The following RTP1 variants were observed in gnomAD, a reference collection of about 807,000 sequenced individuals.
RTP1 encodes receptor-transporting protein 1.
Under a neutral mutation model 27.1 loss-of-function variants are expected in RTP1, and 24 were observed. The observed-to-expected ratio is 0.89, with a 90% confidence interval of 0.64 to 1.25. The LOEUF is 1.25. Ranked by LOEUF, RTP1 falls within the 50% of genes most tolerant of loss-of-function variation. RTP1 has a pLI of 0.00. For synonymous variants in RTP1, 148 were observed against 148.1 expected, an observed-to-expected ratio of 1.00 and a Z score of 0.00; for missense variants, 338 against 351.6, an observed-to-expected ratio of 0.96 and a Z score of 0.31.
Position 187,200,153 on chromosome 3 carries a change from T to A in RTP1, c.*83T>A, listed in dbSNP as rs1271955468. 2 of 1,266,668 alleles carry A rather than the reference T, an allele frequency of 1.6e-6. No individual in the cohort carries two copies. Among genetic ancestry groups the A allele is most frequent in the South Asian group, 2.1e-5 (1 of 47,966 alleles). 78.5% of individuals were successfully genotyped at this position (1,266,668 alleles called of 1,614,324 possible). ...GAGGAGAGACGTGGGTTGAGAATAGTGTAAACTTCTAGCGCTGGTGATGTC... is the reference window on the plus strand; with the variant it reads ...GAGGAGAGACGTGGGTTGAGAATAGAGTAAACTTCTAGCGCTGGTGATGTC... On this transcript the variant is annotated 3_prime_UTR_variant, in exon 2 of 2. Coordinates refer to ENST00000312295, the MANE Select transcript of RTP1 (RefSeq NM_153708.3).
At position 187,199,886 on chromosome 3, in the gene RTP1, C is replaced by T. The variant is rs759875115; in HGVS notation, c.608C>T (p.Pro203Leu). The T allele has an allele frequency of 6.3e-7, 1 of 1,593,334 alleles. No individual in the cohort carries two copies. The highest frequency in any genetic ancestry group is 8.6e-7 in the Non-Finnish European group (1 of 1,165,382). The change falls in exon 2 of 2, where the codon CCC becomes CTC. Residue 203 changes from proline to leucine, a missense_variant. Around this residue, in one of 3 missense-constraint regions of RTP1, gnomAD observed 252 missense variants for 231.5 expected, o/e 1.09. Transcript: ENST00000312295. ...CAGGAGGGCATCGTGCACTGGAAGC[C>T]CAGCGAGAAGCTGCTGGAGGAGGAG... ...ACQEGIVHWKPSEKLLEEEAT... is the reference protein window; with the variant it reads ...ACQEGIVHWKLSEKLLEEEAT...
chr3:187,199,594 G>C lies in RTP1; in HGVS notation c.316G>C (p.Val106Leu), dbSNP rs61732291. The C allele has an allele frequency of 1.5e-4, 245 of 1,605,090 alleles. 2 individuals carry two copies. The highest frequency in any genetic ancestry group is 9.9e-4 in the Middle Eastern group (6 of 6,062). The change falls in exon 2 of 2, where the codon GTG becomes CTG. Residue 106 changes from valine to leucine, a missense_variant. Around this residue, in one of 3 missense-constraint regions of RTP1, gnomAD observed 252 missense variants for 231.5 expected, o/e 1.09. Coordinates refer to ENST00000312295, the MANE Select transcript of RTP1 (RefSeq NM_153708.3). ...WCWHTWQSPY[V>L]VILFHMFLDR... ...CTGGCACACCTGGCAGTCGCCCTACGTGGTCATCCTCTTCCACATGTTCCT... is the reference window on the plus strand; with the variant it reads ...CTGGCACACCTGGCAGTCGCCCTACCTGGTCATCCTCTTCCACATGTTCCT...
rs573828267 is a variant in RTP1, at chr3:187,199,631, A to G, written c.353A>G (p.Gln118Arg). ...ILFHMFLDRA[Q>R]RAGSVRMRVF... ...TTCCACATGTTCCTGGACCGCGCCC[A>G]GCGGGCGGGCTCGGTGCGCATGCGC... The change falls in exon 2 of 2, where the codon CAG becomes CGG. Residue 118 changes from glutamine (Q) to arginine (R), a missense_variant. Physicochemically the swap from Gln to Arg is conservative, Grantham distance 43. Transcript: ENST00000312295. The G allele has an allele frequency of 3.5e-5, 56 of 1,608,848 alleles. No homozygotes were observed. The East Asian group carries it at 5.6e-4, about 16-fold the overall frequency.
intron 1 of RTP1, among the ~76,000 whole-genome samples, chr3:187,198,952 G>A (rs1405818082): frequency 6.6e-6 from 1 of 152,120 alleles, no homozygotes; most frequent in Non-Finnish European, 1.5e-5. Context: ...GAGTGGGGAG[G>A]GCTTGTGGCT....
intron 1 of RTP1, 132 bp from the exon 2 acceptor site, chr3:187,199,419 C>T: frequency 2.0e-6 from 2 of 1,011,728 alleles, no homozygotes; most frequent in Non-Finnish European, 2.9e-6. Context: ...GCTAATGAAC[C>T]CAGGGCGCCG....
intron 1 of RTP1, 184 bp from the exon 2 acceptor site, chr3:187,199,367 G>GGGGCACT: frequency 1.6e-6 from 1 of 610,260 alleles, no homozygotes; most frequent in Non-Finnish European, 2.9e-6. Context: ...ACCTGCTGTA[G>GGGGCACT]TCCTAGGGGC....
At position 187,199,603 on chromosome 3, in the gene RTP1, C is replaced by T. The variant is rs1480289031; in HGVS notation, c.325C>T (p.Leu109Phe). Residue 109 changes from leucine to phenylalanine, a missense_variant, in exon 2 of 2, where the codon CTC (leucine) becomes TTC (phenylalanine). Transcript: ENST00000312295. ...CTGGCAGTCGCCCTACGTGGTCATC[C>T]TCTTCCACATGTTCCTGGACCGCGC... Reference protein sequence around the residue: ...HTWQSPYVVILFHMFLDRAQR... With the variant: ...HTWQSPYVVIFFHMFLDRAQR... 1.2e-6 allele frequency: 2 copies of T among 1,606,544 alleles called. No individual in the cohort carries two copies. Among genetic ancestry groups the T allele is most frequent in the Non-Finnish European group, 1.7e-6 (2 of 1,174,042 alleles).
chr3:187,200,098 C>T lies in RTP1; in HGVS notation c.*28C>T, dbSNP rs567417140. On this transcript the variant is annotated 3_prime_UTR_variant, in exon 2 of 2. Coordinates refer to ENST00000312295, the MANE Select transcript of RTP1 (RefSeq NM_153708.3). Reference sequence around the variant, plus strand: ...TTCCGTGGTTGGGCCCAGAGCCTGTCGAGGGTGCCAGTTAGCTGATGCGAG... The same window carrying T: ...TTCCGTGGTTGGGCCCAGAGCCTGTTGAGGGTGCCAGTTAGCTGATGCGAG... 6.7e-7 allele frequency: 1 copy of T among 1,481,888 alleles called. No individual in the cohort carries two copies. Among genetic ancestry groups the T allele is most frequent in the East Asian group, 2.3e-5 (1 of 43,558 alleles). The allele number at this position is 1,481,888 out of a possible 1,614,324, so 91.8% of individuals were successfully genotyped here.
At position 187,199,665 on chromosome 3, in the gene RTP1, GCAGCTGTGC is replaced by G. The variant is rs745900557; in HGVS notation, c.388_396del (p.Gln130_Cys132del). The G allele has an allele frequency of 3.1e-6, 5 of 1,610,214 alleles. No individual in the cohort carries two copies. In the Admixed American group the frequency reaches 6.7e-5, roughly 21 times the overall value. ...GCTCGGTGCGCATGCGCGTCTTCAAGCAGCTGTGCTATGAGTGCGGCACGGCGCGGCTGG... is the reference window on the plus strand; with the variant it reads ...GCTCGGTGCGCATGCGCGTCTTCAAGTATGAGTGCGGCACGGCGCGGCTGG... On this transcript the variant is annotated inframe_deletion, in exon 2 of 2. Transcript: ENST00000312295.
intron 1 of RTP1, 80 bp from the exon 2 acceptor site, chr3:187,199,471 C>T (rs1721663146): frequency 2.1e-6 from 3 of 1,455,104 alleles, no homozygotes; most frequent in Admixed American, 2.1e-5. Flanking sequence ...TTAGCCTCCA[C>T]GTCCCCTCAC....
Position 187,200,117 on chromosome 3 carries a change from A to G in RTP1, c.*47A>G, listed in dbSNP as rs1422254614. ...GCCTGTCGAGGGTGCCAGTTAGCTG[A>G]TGCGAGGGTAGAGGAGAGACGTGGG... On this transcript the variant is annotated 3_prime_UTR_variant, in exon 2 of 2. Coordinates refer to ENST00000312295, the MANE Select transcript of RTP1 (RefSeq NM_153708.3). 4.7e-6 allele frequency: 7 copies of G among 1,474,828 alleles called. No homozygotes were observed. The highest frequency in any genetic ancestry group is 1.4e-5 in the African/African-American group (1 of 71,158). 91.4% of individuals were successfully genotyped at this position (1,474,828 alleles called of 1,614,324 possible).
intron 1 of RTP1, chr3:187,199,330 G>C (rs1460892161): frequency 1.8e-6 from 1 of 541,128 alleles, no homozygotes; most frequent in Non-Finnish European, 3.3e-6. Context: ...GTAGAGCACT[G>C]CTGGATGCCC....
At chr3:187,197,979 C>G (rs1721633687) in intron 1 of RTP1, 192 bp downstream of exon 1, 1 of 586,680 alleles carries the variant, frequency 1.7e-6, no homozygotes. Flanking sequence ...GATTTCAGCT[C>G]TTCTACTGAT....
chr3:187,200,180 C>A lies in RTP1; in HGVS notation c.*110C>A. 1 of 941,934 alleles carries A rather than the reference C, an allele frequency of 1.1e-6. No individual in the cohort carries two copies. The highest frequency in any genetic ancestry group is 1.5e-6 in the Non-Finnish European group (1 of 669,302). 58.3% of individuals were successfully genotyped at this position (941,934 alleles called of 1,614,324 possible). On this transcript the variant is annotated 3_prime_UTR_variant, in exon 2 of 2. Coordinates refer to ENST00000312295, the MANE Select transcript of RTP1 (RefSeq NM_153708.3). ...TAAACTTCTAGCGCTGGTGATGTCACTGACTCAGTGGGGATCTTGGACAAA... is the reference window on the plus strand; with the variant it reads ...TAAACTTCTAGCGCTGGTGATGTCAATGACTCAGTGGGGATCTTGGACAAA...
Position 187,200,142 on chromosome 3 carries a change from G to A in RTP1, c.*72G>A. ...ATGCGAGGGTAGAGGAGAGACGTGG[G>A]TTGAGAATAGTGTAAACTTCTAGCG... On this transcript the variant is annotated 3_prime_UTR_variant, in exon 2 of 2. Transcript: ENST00000312295. The A allele has an allele frequency of 7.3e-7, 1 of 1,361,498 alleles. No homozygotes were observed. The highest frequency in any genetic ancestry group is 2.3e-5 in the East Asian group (1 of 42,816). 84.3% of individuals were successfully genotyped at this position (1,361,498 alleles called of 1,614,324 possible).
Position 187,200,031 on chromosome 3 carries a change from GAT to G in RTP1, c.754_755del (p.Ile252HisfsTer9). The G allele has an allele frequency of 6.6e-7, 1 of 1,521,438 alleles. No homozygotes were observed. Among genetic ancestry groups the G allele is most frequent in the Non-Finnish European group, 8.8e-7 (1 of 1,133,606 alleles). 94.2% of individuals were successfully genotyped at this position (1,521,438 alleles called of 1,614,324 possible). On this transcript the variant is annotated frameshift_variant, in exon 2 of 2. Transcript: ENST00000312295. LOFTEE classifies it high-confidence loss of function. ...TGTTTTGGGCCACGGTCCTGCTGCT[GAT>G]CATCTACCTGCAGTTCTCTTTCCGT... Reference protein sequence around the residue: ...CLFWATVLLLIIYLQFSFRSS... With the variant: ...CLFWATVLLLXIYLQFSFRSS...
chr3:187,201,229 A>T lies in RTP1; in HGVS notation c.*1159A>T, dbSNP rs2108489226. On this transcript the variant is annotated 3_prime_UTR_variant, in exon 2 of 2. Coordinates refer to ENST00000312295, the MANE Select transcript of RTP1 (RefSeq NM_153708.3). ...GAGAACCTTACAAGGCTCTAAAATG[A>T]GATGTGATATGGCTTGAAATGGGAG... 1 of 152,228 alleles carries T rather than the reference A, an allele frequency of 6.6e-6. No individual in the cohort carries two copies. Among genetic ancestry groups the T allele is most frequent in the Admixed American group, 6.5e-5 (1 of 15,290 alleles). The allele number at this position is 152,228 out of a possible 1,614,324, so 9.4% of individuals were successfully genotyped here.
At position 187,197,635 on chromosome 3, in the gene RTP1, C is replaced by T. The variant is rs375660964; in HGVS notation, c.120C>T (p.Ser40=). 15 of 1,614,006 alleles carry T rather than the reference C, an allele frequency of 9.3e-6. No homozygotes were observed. The African/African-American group carries it at 1.2e-4, about 13-fold the overall frequency. Residue 40 remains serine, a synonymous_variant, in exon 1 of 2, where the codon AGC becomes AGT. Transcript: ENST00000312295. The part of the protein sequence containing the change: ...SLTTDETMCK[S]VTTDEWKKVF... ...CTACTGACGAGACCATGTGTAAAAG[C>T]GTGACCACAGATGAGTGGAAGAAAG...
Position 187,199,693 on chromosome 3 carries a change from C to T in RTP1, c.415C>T (p.Arg139Trp). The part of the protein sequence containing the change: ...KQLCYECGTA[R>W]LDESSMLEEN... ...GCTGTGCTATGAGTGCGGCACGGCGCGGCTGGACGAGTCCAGCATGCTGGA... is the reference window on the plus strand; with the variant it reads ...GCTGTGCTATGAGTGCGGCACGGCGTGGCTGGACGAGTCCAGCATGCTGGA... Residue 139 changes from arginine to tryptophan, a missense_variant, in exon 2 of 2, where the codon CGG becomes TGG. Arg to Trp is a moderately radical substitution (Grantham distance 101, BLOSUM62 -3). Around this residue, in one of 3 missense-constraint regions of RTP1, gnomAD observed 252 missense variants for 231.5 expected, o/e 1.09. Coordinates refer to ENST00000312295, the MANE Select transcript of RTP1 (RefSeq NM_153708.3). 4 of 1,612,212 alleles carry T rather than the reference C, an allele frequency of 2.5e-6. No homozygotes were observed. The highest frequency in any genetic ancestry group is 1.7e-4 in the Middle Eastern group (1 of 6,056).
Sources: gnomAD v4.1 joint callset for allele counts (sites outside exome capture counted in the v4.1 genomes callset) on GRCh38, gnomAD v4.1.1 for gene constraint, gnomAD v4.1.1 regional missense constraint, MANE v1.5 for transcripts, NCBI Gene and HGNC (gene_info 2026-07-23, HGNC 2026-07-21) for gene names.